Variants in MMS22L observed in about 807,000 individuals in gnomAD.
The protein encoded by MMS22L is protein MMS22-like.
MMS22L carries 74 observed loss-of-function variants against 159.1 expected under a neutral mutation model. That is an observed-to-expected ratio of 0.47 (90% CI 0.39 to 0.56). The LOEUF (loss-of-function observed/expected upper bound fraction) is 0.56. Ranked by LOEUF, MMS22L falls within the 20% of genes least tolerant of loss-of-function variation. The pLI, the probability that MMS22L is intolerant of heterozygous loss-of-function variation, is 0.00. For missense variants in MMS22L, 1,351 were observed against 1,422.1 expected (o/e 0.95, Z 0.80); for synonymous variants, 517 against 506.9 (o/e 1.02, Z -0.27).
chr6:97,231,868 C>T (rs1810910764), intron 12 of MMS22L, among the ~76,000 whole-genome samples: 1 of 152,142 alleles, frequency 6.6e-6, no homozygotes, highest in African/African-American at 2.4e-5. Context: ...GTGTTTTTAA[C>T]AGTTGATTTG....
chr6:97,256,353 G>A (rs910714022), intron 9 of MMS22L, among the ~76,000 whole-genome samples: 5 of 151,994 alleles, frequency 3.3e-5, no homozygotes, highest in African/African-American at 1.2e-4. Context: ...TGCTTTAGCC[G>A]TTTTTTAATT....
intron 19 of MMS22L, 91 bp downstream of exon 19, chr6:97,172,972 A>G (rs1268644037): frequency 1.4e-5 from 17 of 1,188,060 alleles, no homozygotes; most frequent in Non-Finnish European, 1.9e-5. Flanking sequence ...TATGGAGGGT[A>G]GTGATTTAGC....
intron 14 of MMS22L, among the ~76,000 whole-genome samples, chr6:97,204,006 A>C (rs1328395793): frequency 2.0e-5 from 3 of 152,222 alleles, no homozygotes; most frequent in Non-Finnish European, 4.4e-5. Context: ...GCCAAACTTT[A>C]ACAGTGGCCC....
At chr6:97,249,979 T>C (rs546548000) in intron 10 of MMS22L, among the ~76,000 whole-genome samples, 2 of 152,294 alleles carry the variant, frequency 1.3e-5, no homozygotes, top group African/African-American at 4.8e-5. Context: ...ATTTCAACTA[T>C]ATAAATCAGT....
chr6:97,242,552 A>G (rs1812194194), intron 11 of MMS22L, among the ~76,000 whole-genome samples: 1 of 152,132 alleles, frequency 6.6e-6, no homozygotes, highest in African/African-American at 2.4e-5. Flanking sequence ...CTGCCCTTCT[A>G]TATCTTTCAA....
intron 14 of MMS22L, among the ~76,000 whole-genome samples, chr6:97,202,203 C>T (rs1357050806): frequency 6.6e-6 from 1 of 152,168 alleles, no homozygotes; most frequent in Non-Finnish European, 1.5e-5. Flanking sequence ...AGAGCTCACC[C>T]ACCTATCCTA....
rs1810561167 is a variant in MMS22L, at chr6:97,229,047, T to C, written c.1886A>G (p.Asp629Gly). Residue 629 changes from aspartate to glycine, a missense_variant, in exon 14 of 25, where the codon GAT (aspartate) becomes GGT (glycine). Asp to Gly is a moderately conservative substitution (Grantham distance 94, BLOSUM62 -1). Coordinates refer to ENST00000683635, the MANE Select transcript of MMS22L (RefSeq NM_001350599.2). The part of the protein sequence containing the change: ...TIWTLLSIYI[D>G]GVQEVFETSY... ...GGTCTCAAACACTTCTTGAACACCATCAATGTATATGGAAAGAAGGGTCCA... is the reference window on the plus strand; with the variant it reads ...GGTCTCAAACACTTCTTGAACACCACCAATGTATATGGAAAGAAGGGTCCA... 3.7e-6 allele frequency: 6 copies of C among 1,614,140 alleles called. No homozygotes were observed. In the African/African-American group the frequency reaches 8.0e-5, roughly 22 times the overall value.
At chr6:97,204,163 T>C (rs1487578988) in intron 14 of MMS22L, among the ~76,000 whole-genome samples, 1 of 152,216 alleles carries the variant, frequency 6.6e-6, no homozygotes, top group Non-Finnish European at 1.5e-5. Flanking sequence ...TTGTATTTTT[T>C]TATAAAACAG....
intron 2 of MMS22L, 47 bp from the exon 3 acceptor site, chr6:97,281,409 A>G (rs1816743212): frequency 6.9e-7 from 1 of 1,451,310 alleles, no homozygotes; most frequent in Non-Finnish European, 9.3e-7. Flanking sequence ...ACTAAGTACC[A>G]TAATACGACG....
intron 14 of MMS22L, among the ~76,000 whole-genome samples, chr6:97,199,086 T>C (rs894407674): frequency 6.6e-6 from 1 of 152,176 alleles, no homozygotes; most frequent in Non-Finnish European, 1.5e-5. Context: ...ACATAGTCAC[T>C]GCTACCCTCT....
chr6:97,160,969 G>A lies in MMS22L; in HGVS notation c.3385+1033C>T, dbSNP rs535120000. ...CTTTCCCTATTGCCACCATACTTTC[G>A]TTTTCTTCATTTATCACACATTCCT... On this transcript the variant is annotated intron_variant, in intron 22 of 24. Transcript: ENST00000683635. 3.2e-4 allele frequency among the ~76,000 whole-genome samples: 49 copies of A among 151,870 alleles called. 1 individual carries two copies. The highest frequency in any genetic ancestry group is 1.0e-3 in the African/African-American group (42 of 41,434).
At chr6:97,194,214 T>C (rs961496545) in intron 14 of MMS22L, among the ~76,000 whole-genome samples, 2 of 152,028 alleles carry the variant, frequency 1.3e-5, no homozygotes, top group African/African-American at 4.8e-5. Context: ...CGTGCCACCA[T>C]GCTCCGCTAA....
chr6:97,239,857 A>T (rs971374555), intron 11 of MMS22L, among the ~76,000 whole-genome samples: 2 of 152,200 alleles, frequency 1.3e-5, no homozygotes, highest in African/African-American at 2.4e-5. Context: ...AGTGAGCTAT[A>T]ACCACACCAC....
At position 97,180,391 on chromosome 6, in the gene MMS22L, G is replaced by A. The variant is rs551042085; in HGVS notation, c.2385-832C>T. 6.6e-5 allele frequency among the ~76,000 whole-genome samples: 10 copies of A among 152,270 alleles called. No homozygotes were observed. In the East Asian group the frequency reaches 7.7e-4, roughly 12 times the overall value. On this transcript the variant is annotated intron_variant, in intron 16 of 24. Transcript: ENST00000683635. ...GCTGGGATTACAGGCATGAGCCACC[G>A]TGCTTGGCCACTAAACCTGATTTCT... is the stretch of plus-strand genomic sequence containing the variant.
intron 15 of MMS22L, among the ~76,000 whole-genome samples, chr6:97,184,101 C>T (rs1804986673): frequency 6.6e-6 from 1 of 152,124 alleles, no homozygotes; most frequent in South Asian, 2.1e-4. Flanking sequence ...CCAGTGACTT[C>T]CCTCTTATTA....
At chr6:97,150,112 A>C in intron 23 of MMS22L, 92 bp from the exon 24 acceptor site, 2 of 903,454 alleles carry the variant, frequency 2.2e-6, no homozygotes, top group South Asian at 3.8e-5. Flanking sequence ...TGAACATAAC[A>C]AAGATCATTT....
chr6:97,154,129 T>G (rs983984682), intron 22 of MMS22L, among the ~76,000 whole-genome samples: 1 of 152,188 alleles, frequency 6.6e-6, no homozygotes, highest in Non-Finnish European at 1.5e-5. Flanking sequence ...CCAATCTTTT[T>G]CATTATCTGA....
At position 97,149,956 on chromosome 6, in the gene MMS22L, C is replaced by T. The variant is rs764681347; in HGVS notation, c.3547G>A (p.Ala1183Thr). The stretch of plus-strand genomic sequence containing the variant: ...ATGACAACCTGCTGGTCCAATGTTG[C>T]TACTGTTTCTAAAATGCTGTAAACC... ...YQVYSILETV[A>T]TLDQQVVIHL... is the part of the protein sequence containing the mutation. The change falls in exon 24 of 25, where the codon GCA becomes ACA. Residue 1183 changes from alanine to threonine, a missense_variant. Physicochemically the swap from Ala to Thr is moderately conservative, Grantham distance 58. Coordinates refer to ENST00000683635, the MANE Select transcript of MMS22L (RefSeq NM_001350599.2). 1.2e-6 allele frequency: 2 copies of T among 1,613,476 alleles called. No individual in the cohort carries two copies. The highest frequency in any genetic ancestry group is 8.5e-7 in the Non-Finnish European group (1 of 1,179,728).
Position 97,146,596 on chromosome 6 carries a change from G to A in MMS22L, c.*210C>T. 1 of 341,516 alleles carries A rather than the reference G, an allele frequency of 2.9e-6. No homozygotes were observed. Among genetic ancestry groups the A allele is most frequent in the Non-Finnish European group, 5.4e-6 (1 of 186,400 alleles). The allele number at this position is 341,516 out of a possible 1,614,324, so 21.2% of individuals were successfully genotyped here. On this transcript the variant is annotated 3_prime_UTR_variant, in exon 25 of 25. Coordinates refer to ENST00000683635, the MANE Select transcript of MMS22L (RefSeq NM_001350599.2). The stretch of plus-strand genomic sequence containing the variant: ...TTTCATCAAGGTAGAATGCAGTTTT[G>A]TAAAAAGTTCCAAGGATCCTATTAC...
Sources: gnomAD v4.1 joint callset for allele counts (sites outside exome capture counted in the v4.1 genomes callset) on GRCh38, gnomAD v4.1.1 for gene constraint, MANE v1.5 for transcripts, NCBI Gene and HGNC (gene_info 2026-07-23, HGNC 2026-07-21) for gene names.